Variants in SNX31 observed in about 807,000 individuals in gnomAD.
SNX31 encodes the protein sorting nexin 31.
Under a neutral mutation model 65.4 loss-of-function variants are expected in SNX31, and 58 were observed. The observed-to-expected ratio is 0.89, with a 90% CI of 0.72 to 1.10. The LOEUF is 1.10. Among genes scored for constraint, SNX31 ranks in the 50% least tolerant of loss-of-function variants. SNX31 has a pLI of 0.00. For missense variants in SNX31, 523 were observed against 529.7 expected (o/e 0.99, Z 0.12); for synonymous variants, 181 against 190.1 (o/e 0.95, Z 0.39).
In SNX31 at chr8:100,596,856, G is replaced by T; in HGVS notation, c.775-14C>A. 6.2e-7 allele frequency: 1 copy of T among 1,612,368 alleles called. No individual in the cohort carries two copies. The highest frequency in any genetic ancestry group is 2.2e-5 in the East Asian group (1 of 44,868). On this transcript the variant is annotated splice_polypyrimidine_tract_variant and intron_variant, in intron 9 of 13. Transcript: ENST00000311812. ...CAGCTCCAAAAACTGCTCCAAAGAG[G>T]GTGATGTGGGGGGAGGGGAGGCAAG...
rs528797979 is a variant in SNX31 at position 100,623,053 on chromosome 8, G to A, written c.322-5323C>T. On this transcript the variant is annotated intron_variant, in intron 4 of 13. Coordinates refer to ENST00000311812, the MANE Select transcript of SNX31 (RefSeq NM_152628.4). ...TGCTATAAAGAAATACCTGAGACTCGGTAATTTTTATAAAGAAAAGAGGTT... is the reference window on the plus strand; with the variant it reads ...TGCTATAAAGAAATACCTGAGACTCAGTAATTTTTATAAAGAAAAGAGGTT... Among the ~76,000 whole-genome samples, 16 of 152,288 alleles carry A rather than the reference G, an allele frequency of 1.1e-4. No individual in the cohort carries two copies. In the South Asian group the frequency reaches 2.9e-3, roughly 28 times the overall value.
rs779094045 is a variant in SNX31, at chr8:100,596,771, T to A, written c.846A>T (p.Pro282=). ...AAAGAACAGCTCCAGAGCCTGATTCTGGGTAGTCACAGGTACAAGGATCCA... is the reference window on the plus strand; with the variant it reads ...AAAGAACAGCTCCAGAGCCTGATTCAGGGTAGTCACAGGTACAAGGATCCA... ...LQLDPCTCDY[P]ESGSGAVLSV... The change falls in exon 10 of 14, where the codon CCA becomes CCT. Residue 282 remains proline, a synonymous_variant. Transcript: ENST00000311812. The A allele has an allele frequency of 2.3e-5, 37 of 1,614,000 alleles. No individual in the cohort carries two copies. The highest frequency in any genetic ancestry group is 3.1e-5 in the Non-Finnish European group (36 of 1,180,036).
rs1026548262 is a variant in SNX31 at position 100,626,728 on chromosome 8, C to T, written c.321+3599G>A. Among the ~76,000 whole-genome samples the T allele has an allele frequency of 1.3e-4, 20 of 151,884 alleles. No individual in the cohort carries two copies. Among genetic ancestry groups the T allele is most frequent in the African/African-American group, 4.4e-4 (18 of 41,326 alleles). ...CAAGAAAGGAGGAAAGAAACATGAC[C>T]AATGAAAGGCAAATAACATATACCA... On this transcript the variant is annotated intron_variant, in intron 4 of 13. Coordinates refer to ENST00000311812, the MANE Select transcript of SNX31 (RefSeq NM_152628.4). The surrounding 1 kb of genome is among the most constrained non-coding windows in gnomAD (Gnocchi z 4.4).
rs888299293 is a variant in SNX31, at chr8:100,575,614, G to A, written c.1227+1405C>T. 5.9e-5 allele frequency among the ~76,000 whole-genome samples: 9 copies of A among 152,184 alleles called. No homozygotes were observed. Among genetic ancestry groups the A allele is most frequent in the Admixed American group, 2.6e-4 (4 of 15,286 alleles). Reference sequence around the variant, plus strand: ...CATGCATCAGATTTGTCTGGTGGGCGTGTTAAAGAGATTGCTGCGGCCTTC... The same window carrying A: ...CATGCATCAGATTTGTCTGGTGGGCATGTTAAAGAGATTGCTGCGGCCTTC... On this transcript the variant is annotated intron_variant, in intron 13 of 13. Transcript: ENST00000311812. This position sits in a 1 kb window ranked among gnomAD's most constrained non-coding sequence, Gnocchi z 5.1.
chr8:100,618,849 C>A (rs1016548635), intron 4 of SNX31: 2 of 163,848 alleles, frequency 1.2e-5, no homozygotes, highest in Non-Finnish European at 2.7e-5. Context: ...GCTCTTCAAA[C>A]CCCATTGCTT....
chr8:100,577,963 G>A (rs997544290), intron 12 of SNX31, among the ~76,000 whole-genome samples: 1 of 152,208 alleles, frequency 6.6e-6, no homozygotes, highest in Admixed American at 6.5e-5. Context: ...TGGAAGAAGA[G>A]AATTGTCTTG....
chr8:100,620,504 A>G (rs1817605467), intron 4 of SNX31, among the ~76,000 whole-genome samples: 1 of 152,184 alleles, frequency 6.6e-6, no homozygotes, highest in Admixed American at 6.5e-5. Flanking sequence ...ATGATTCTGA[A>G]TCTAAGTTCT....
chr8:100,645,483 C>T (rs1819556860), intron 2 of SNX31, among the ~76,000 whole-genome samples: 1 of 152,032 alleles, frequency 6.6e-6, no homozygotes, highest in Non-Finnish European at 1.5e-5. Context: ...AAATATGTAT[C>T]AAGTGGTGCA....
Position 100,630,264 on chromosome 8 carries a change from A to G in SNX31, c.321+63T>C. On this transcript the variant is annotated intron_variant, in intron 4 of 13. Coordinates refer to ENST00000311812, the MANE Select transcript of SNX31 (RefSeq NM_152628.4). The surrounding 1 kb of genome is among the most constrained non-coding windows in gnomAD (Gnocchi z 5.3). ...TGCACACATGTGTGTGTACCTGCAC[A>G]CTTGGTTCATGAAGAGTGTCCTGCA... The G allele has an allele frequency of 6.6e-7, 1 of 1,508,532 alleles. No individual in the cohort carries two copies. Among genetic ancestry groups the G allele is most frequent in the South Asian group, 1.1e-5 (1 of 87,918 alleles). 93.4% of individuals were successfully genotyped at this position (1,508,532 alleles called of 1,614,324 possible).
chr8:100,644,417 G>A (rs1447806886), intron 2 of SNX31, among the ~76,000 whole-genome samples: 1 of 152,156 alleles, frequency 6.6e-6, no homozygotes, highest in African/African-American at 2.4e-5. Context: ...ATTTGGGCAG[G>A]GTGGTGCCAG....
At chr8:100,620,115 A>C (rs1316507214) in intron 4 of SNX31, 1 of 152,188 alleles carries the variant, frequency 6.6e-6, no homozygotes, top group Non-Finnish European at 1.5e-5. Context: ...TTATTGCGTG[A>C]TGCTGAGGTT....
intron 8 of SNX31, among the ~76,000 whole-genome samples, chr8:100,605,181 G>A (rs1410549190): frequency 6.6e-6 from 1 of 152,176 alleles, no homozygotes; most frequent in Non-Finnish European, 1.5e-5. Context: ...TTACAAGTGT[G>A]AGCCACCATG....
chr8:100,605,820 C>G (rs867657530), intron 8 of SNX31, among the ~76,000 whole-genome samples: 10 of 152,234 alleles, frequency 6.6e-5, no homozygotes, highest in South Asian at 2.1e-4. Context: ...GCTCTGACCT[C>G]TCATCACAAT....
chr8:100,582,559 G>C (rs561649514), intron 12 of SNX31: 1 of 152,232 alleles, frequency 6.6e-6, no homozygotes, highest in South Asian at 2.1e-4. Flanking sequence ...TTCAGTTCTA[G>C]AAGAAAGAGA....
At chr8:100,627,021 A>G (rs890709248) in intron 4 of SNX31, among the ~76,000 whole-genome samples, 12 of 152,208 alleles carry the variant, frequency 7.9e-5, no homozygotes, top group African/African-American at 2.9e-4. Context: ...AAGGAAATGA[A>G]ATCAGGTATA....
chr8:100,652,060 G>A (rs1457948026), upstream of SNX31, among the ~76,000 whole-genome samples: 1 of 152,040 alleles, frequency 6.6e-6, no homozygotes, highest in Non-Finnish European at 1.5e-5. Context: ...CTCACTGCAA[G>A]CTCCACCTCC....
chr8:100,658,757 C>T (rs1183578473), intron 1 of SNX31, among the ~76,000 whole-genome samples: 1 of 152,156 alleles, frequency 6.6e-6, no homozygotes, highest in African/African-American at 2.4e-5. Flanking sequence ...CCAGTGTGGA[C>T]TTTGTGTAAG....
In SNX31 at chr8:100,613,375, G is replaced by A. The variant is rs1271326904; in HGVS notation, c.433-290C>T. ...CCATCTCAGATGTGGACTCACTCCC[G>A]GATTGTCTTGGTCTTTATTTTCCCC... On this transcript the variant is annotated intron_variant, in intron 5 of 13. Coordinates refer to ENST00000311812, the MANE Select transcript of SNX31 (RefSeq NM_152628.4). The surrounding 1 kb of genome is among the most constrained non-coding windows in gnomAD (Gnocchi z 5.2). Among the ~76,000 whole-genome samples, 5 of 152,180 alleles carry A rather than the reference G, an allele frequency of 3.3e-5. No individual in the cohort carries two copies. Among genetic ancestry groups the A allele is most frequent in the Admixed American group, 6.5e-5 (1 of 15,286 alleles).
Position 100,620,837 on chromosome 8 carries a change from T to C in SNX31, c.322-3107A>G, listed in dbSNP as rs140251090. 2.6e-3 allele frequency among the ~76,000 whole-genome samples: 390 copies of C among 152,278 alleles called. 3 individuals are homozygous for C. Among genetic ancestry groups the C allele is most frequent in the Middle Eastern group, 3.4e-3 (1 of 294 alleles). Reference sequence around the variant, plus strand: ...TGCCCAGGCCGAGCATGGTGGCTCATGCCTGTAATCCCAGCACTTTGGGAG... The same window carrying C: ...TGCCCAGGCCGAGCATGGTGGCTCACGCCTGTAATCCCAGCACTTTGGGAG... On this transcript the variant is annotated intron_variant, in intron 4 of 13. Transcript: ENST00000311812.
Sources: allele counts gnomAD v4.1 joint callset (sites outside exome capture counted in the v4.1 genomes callset), GRCh38; gene constraint gnomAD v4.1.1; non-coding constraint Gnocchi (gnomAD v3.1); transcripts MANE v1.5; gene names NCBI Gene and HGNC (gene_info 2026-07-23, HGNC 2026-07-21).